ARHGAP10: variants seen among roughly 807,000 people sequenced by gnomAD.
ARHGAP10 encodes Rho GTPase activating protein 10.
Under a neutral mutation model 108.6 loss-of-function variants are expected in ARHGAP10, and 87 were observed. The ratio of observed to expected loss-of-function variants is 0.80; its 90% CI spans 0.67 to 0.96. The LOEUF (loss-of-function observed/expected upper bound fraction) is 0.96, where lower values mean the gene tolerates loss of function less well. Ranked by LOEUF, ARHGAP10 falls within the 40% of genes least tolerant of loss-of-function variation. The probability of loss-of-function intolerance (pLI) is 0.00; values close to 1 mark genes in which losing one functional copy is unlikely to be tolerated. For missense variants in ARHGAP10, 939 were observed against 954.5 expected (o/e 0.98, Z 0.21); for synonymous variants, 347 against 341.1 (o/e 1.02, Z -0.19).
chr4:148,067,813 T>G (rs1729963877), intron 22 of ARHGAP10, among the ~76,000 whole-genome samples: 1 of 152,206 alleles, frequency 6.6e-6, no homozygotes, highest in Admixed American at 6.5e-5. Context: ...AGAGTGTGGT[T>G]GGCACAGGGG....
intron 7 of ARHGAP10, among the ~76,000 whole-genome samples, chr4:147,870,928 C>CTGTGTGTGTGTGTGTGTG (rs57348496): frequency 2.2e-5 from 3 of 139,056 alleles, no homozygotes; most frequent in Admixed American, 7.3e-5. Flanking sequence ...AAACTACAGA[C>CTGTGTGTGTGTGTGTGTG]TGTGTGTGTG....
At chr4:147,760,906 A>G (rs17023769) in intron 1 of ARHGAP10, among the ~76,000 whole-genome samples, 1,570 of 152,162 alleles carry the variant, frequency 0.01, 20 homozygotes, top group African/African-American at 0.036. Context: ...TGGGCAAACT[A>G]TGTGTATTGG....
At chr4:147,738,953 C>A (rs1028357293) in intron 1 of ARHGAP10, among the ~76,000 whole-genome samples, 2 of 151,698 alleles carry the variant, frequency 1.3e-5, no homozygotes, top group Non-Finnish European at 2.9e-5. Context: ...GAGGCCGAGG[C>A]GGGTGGATCA....
intron 18 of ARHGAP10, among the ~76,000 whole-genome samples, chr4:147,972,768 T>C (rs966206265): frequency 1.3e-5 from 2 of 151,998 alleles, no homozygotes; most frequent in African/African-American, 4.8e-5. Context: ...TCTTTTTTTT[T>C]TTTGAGACGG....
At chr4:147,870,211 C>T (rs1734759177) in intron 7 of ARHGAP10, among the ~76,000 whole-genome samples, 1 of 152,036 alleles carries the variant, frequency 6.6e-6, no homozygotes, top group Non-Finnish European at 1.5e-5. Flanking sequence ...TCCCACCTGC[C>T]ACCATGCCCG....
intron 1 of ARHGAP10, among the ~76,000 whole-genome samples, chr4:147,765,547 C>A (rs1263173293): frequency 6.6e-6 from 1 of 152,216 alleles, no homozygotes; most frequent in East Asian, 1.9e-4. Context: ...TGCCTGTAAT[C>A]ACAGCACTTT....
intron 19 of ARHGAP10, among the ~76,000 whole-genome samples, chr4:148,035,569 C>T (rs900753062): frequency 3.0e-4 from 45 of 152,236 alleles, no homozygotes; most frequent in African/African-American, 8.7e-4. Flanking sequence ...CCCATTTTGT[C>T]TTGCCATGTT....
At chr4:147,874,039 C>A (rs1385507451) in intron 7 of ARHGAP10, among the ~76,000 whole-genome samples, 4 of 150,728 alleles carry the variant, frequency 2.7e-5, no homozygotes, top group African/African-American at 4.9e-5. Flanking sequence ...AAAAAAACAA[C>A]AAACCTCTGC....
intron 18 of ARHGAP10, among the ~76,000 whole-genome samples, chr4:147,985,807 A>G (rs1740021831): frequency 6.6e-6 from 1 of 152,206 alleles, no homozygotes. Context: ...AGTTAGCTCC[A>G]AGGCTGAAGA....
At chr4:147,764,485 TAA>T (rs113805482) in intron 1 of ARHGAP10, among the ~76,000 whole-genome samples, 1 of 142,358 alleles carries the variant, frequency 7.0e-6, no homozygotes. Flanking sequence ...GACTTTGAGG[TAA>T]AAAAAAAAAA....
intron 4 of ARHGAP10, among the ~76,000 whole-genome samples, chr4:147,856,994 A>G (rs1217963103): frequency 1.3e-5 from 2 of 152,134 alleles, no homozygotes; most frequent in Non-Finnish European, 2.9e-5. Flanking sequence ...CTGGGATTAC[A>G]GGTGTGTGCC....
intron 18 of ARHGAP10, among the ~76,000 whole-genome samples, chr4:147,983,128 C>T (rs558963222): frequency 1.8e-4 from 28 of 151,496 alleles, no homozygotes; most frequent in African/African-American, 5.1e-4. Context: ...AAGATCCACC[C>T]GCCTTGGCCT....
intron 16 of ARHGAP10, among the ~76,000 whole-genome samples, chr4:147,961,392 C>CT (rs1162207685): frequency 6.6e-6 from 1 of 152,068 alleles, no homozygotes; most frequent in African/African-American, 2.4e-5. Context: ...TGGATTGTCT[C>CT]TTTTTTCCCT....
chr4:147,871,313 T>TA (rs933800595), intron 7 of ARHGAP10, among the ~76,000 whole-genome samples: 68 of 152,278 alleles, frequency 4.5e-4, no homozygotes, highest in African/African-American at 1.6e-3. Context: ...TAACAGCAGT[T>TA]ACTTGAGGGG....
chr4:148,058,902 C>T (rs976695565), intron 20 of ARHGAP10, among the ~76,000 whole-genome samples: 4 of 152,188 alleles, frequency 2.6e-5, no homozygotes, highest in African/African-American at 9.6e-5. Flanking sequence ...TTTCCTCATC[C>T]TTTACACAAA....
intron 7 of ARHGAP10, among the ~76,000 whole-genome samples, chr4:147,868,119 GGTAT>G (rs1734643569): frequency 6.6e-6 from 1 of 151,890 alleles, no homozygotes; most frequent in African/African-American, 2.4e-5. Context: ...TAAAATATGT[GGTAT>G]GACTATAATG....
chr4:147,834,218 C>T (rs1472840541), intron 3 of ARHGAP10, among the ~76,000 whole-genome samples: 1 of 152,108 alleles, frequency 6.6e-6, no homozygotes, highest in Non-Finnish European at 1.5e-5. Flanking sequence ...ACCTGTAGTC[C>T]CAGCACTTTG....
intron 21 of ARHGAP10, 112 bp downstream of exon 21, chr4:148,063,412 C>T: frequency 7.1e-7 from 1 of 1,412,424 alleles, no homozygotes; most frequent in Non-Finnish European, 9.6e-7. Flanking sequence ...CAGATACCCC[C>T]AGCATCCTGG....
chr4:147,881,798 T>C (rs748027857), intron 9 of ARHGAP10, 40 bp from the exon 10 acceptor site: 52 of 1,594,146 alleles, frequency 3.3e-5, no homozygotes, highest in Non-Finnish European at 4.5e-5. Context: ...TATATACTTA[T>C]CCTGTAGGTT....
Sources: allele counts gnomAD v4.1 joint callset (sites outside exome capture counted in the v4.1 genomes callset), GRCh38; gene constraint gnomAD v4.1.1; transcripts MANE v1.5; gene names NCBI Gene and HGNC (gene_info 2026-07-23, HGNC 2026-07-21).